The following NELL1 variants were observed in gnomAD, a reference collection of about 807,000 sequenced individuals.
NELL1 encodes neural EGFL like 1, also known as protein kinase C-binding protein NELL1.
A neutral mutation model predicts 107.4 loss-of-function variants in NELL1; 76 were observed. The ratio of observed to expected loss-of-function variants is 0.71; its 90% CI spans 0.59 to 0.86. The LOEUF (loss-of-function observed/expected upper bound fraction) is 0.86. Among genes scored for constraint, NELL1 ranks in the 40% least tolerant of loss-of-function variants. NELL1 has a pLI of 0.00. For missense variants in NELL1, 1,024 were observed against 1,005.5 expected (o/e 1.02, Z -0.25); for synonymous variants, 353 against 341.2 (o/e 1.03, Z -0.38).
At chr11:21,193,294 T>C (rs546299017) in intron 13 of NELL1, among the ~76,000 whole-genome samples, 3 of 151,788 alleles carry the variant, frequency 2.0e-5, no homozygotes, top group Non-Finnish European at 4.4e-5. Flanking sequence ...TTCAGCAGTT[T>C]TGATACTCTT....
chr11:20,682,066 A>G (rs574401713), intron 2 of NELL1, among the ~76,000 whole-genome samples: 3 of 152,234 alleles, frequency 2.0e-5, no homozygotes, highest in Non-Finnish European at 2.9e-5. Flanking sequence ...ATAAGTTGAC[A>G]TATTAACAGG....
intron 15 of NELL1, among the ~76,000 whole-genome samples, chr11:21,408,211 A>G (rs1040200476): frequency 6.6e-6 from 1 of 152,034 alleles, no homozygotes; most frequent in Non-Finnish European, 1.5e-5. Flanking sequence ...GTTACCATGC[A>G]AAATGAAATT....
intron 14 of NELL1, among the ~76,000 whole-genome samples, chr11:21,301,978 T>G (rs901232517): frequency 3.9e-5 from 6 of 152,032 alleles, no homozygotes; most frequent in Non-Finnish European, 7.4e-5. Context: ...TGAAGATATC[T>G]CAAAACTGGC....
chr11:20,768,651 A>G (rs1327306031), intron 2 of NELL1, among the ~76,000 whole-genome samples: 3 of 152,238 alleles, frequency 2.0e-5, no homozygotes, highest in Non-Finnish European at 4.4e-5. Flanking sequence ...AAGGGTTCTC[A>G]TAAGAGAAAG....
intron 15 of NELL1, among the ~76,000 whole-genome samples, chr11:21,477,452 T>C (rs1481599917): frequency 1.3e-5 from 2 of 152,156 alleles, no homozygotes; most frequent in Non-Finnish European, 2.9e-5. Context: ...GTGGTACCTC[T>C]ATGAATCTGC....
intron 3 of NELL1, among the ~76,000 whole-genome samples, chr11:20,812,748 C>CCT (rs1215052861): frequency 6.6e-6 from 1 of 151,934 alleles, no homozygotes; most frequent in Non-Finnish European, 1.5e-5. Flanking sequence ...GTGGCTCACG[C>CCT]CTGTAATCCC....
intron 14 of NELL1, among the ~76,000 whole-genome samples, chr11:21,365,995 A>G (rs1404504634): frequency 1.3e-5 from 2 of 152,142 alleles, no homozygotes; most frequent in African/African-American, 4.8e-5. Flanking sequence ...ATGTTTAAAC[A>G]TTCATGGTCT....
chr11:21,485,813 C>G (rs1375737787), intron 15 of NELL1, among the ~76,000 whole-genome samples: 1 of 152,046 alleles, frequency 6.6e-6, no homozygotes, highest in Non-Finnish European at 1.5e-5. Context: ...TGGTCCCACC[C>G]CCACAATACT....
intron 12 of NELL1, among the ~76,000 whole-genome samples, chr11:20,966,409 A>C (rs949466466): frequency 1.3e-5 from 2 of 152,176 alleles, no homozygotes; most frequent in African/African-American, 4.8e-5. Flanking sequence ...TGGAGGGGAC[A>C]AACATTCAAA....
intron 14 of NELL1, among the ~76,000 whole-genome samples, chr11:21,360,080 A>C (rs934755635): frequency 2.0e-5 from 3 of 152,040 alleles, no homozygotes; most frequent in African/African-American, 7.2e-5. Flanking sequence ...GTGTGATCTT[A>C]GATCATCTAT....
chr11:20,923,002 A>C (rs1463417942), intron 7 of NELL1, among the ~76,000 whole-genome samples: 4 of 152,094 alleles, frequency 2.6e-5, no homozygotes, highest in Non-Finnish European at 4.4e-5. Context: ...TTCCTTAGAG[A>C]AAATGGTCCT....
chr11:21,385,531 C>T (rs1851724790), intron 15 of NELL1, among the ~76,000 whole-genome samples: 1 of 151,636 alleles, frequency 6.6e-6, no homozygotes, highest in Non-Finnish European at 1.5e-5. Flanking sequence ...TTTTTTTTCC[C>T]CTCCATCCTA....
intron 13 of NELL1, among the ~76,000 whole-genome samples, chr11:21,123,084 G>A (rs993006537): frequency 6.6e-6 from 1 of 152,106 alleles, no homozygotes; most frequent in Non-Finnish European, 1.5e-5. Flanking sequence ...AGGGAAAAGA[G>A]ATTTCCCTTT....
intron 14 of NELL1, among the ~76,000 whole-genome samples, chr11:21,344,640 G>A (rs944771123): frequency 1.3e-5 from 2 of 152,118 alleles, no homozygotes; most frequent in East Asian, 1.9e-4. Flanking sequence ...CTAATAGAAA[G>A]AGAATTGGAA....
At chr11:21,336,670 T>TACAC (rs374935775) in intron 14 of NELL1, among the ~76,000 whole-genome samples, 47 of 95,842 alleles carry the variant, frequency 4.9e-4, no homozygotes, top group African/African-American at 1.1e-3. Flanking sequence ...TATATATATA[T>TACAC]ATATACACAC....
intron 12 of NELL1, among the ~76,000 whole-genome samples, chr11:21,099,508 C>T (rs772803540): frequency 3.9e-5 from 6 of 152,112 alleles, no homozygotes; most frequent in African/African-American, 1.2e-4. Flanking sequence ...CGCTGGCTTT[C>T]GCTTAGGTCC....
At chr11:20,929,744 G>A (rs1033728058) in intron 9 of NELL1, among the ~76,000 whole-genome samples, 14 of 152,128 alleles carry the variant, frequency 9.2e-5, no homozygotes, top group South Asian at 4.1e-4. Flanking sequence ...GGCCGAGGCC[G>A]TCGGATCACC....
intron 15 of NELL1, among the ~76,000 whole-genome samples, chr11:21,405,195 T>G (rs1363091374): frequency 2.1e-4 from 1 of 4,868 alleles, no homozygotes; most frequent in African/African-American, 5.5e-4. Flanking sequence ...TTTGATGCAC[T>G]AGGTTTTGTT....
intron 15 of NELL1, among the ~76,000 whole-genome samples, chr11:21,438,831 G>C (rs1325511988): frequency 2.0e-5 from 3 of 151,782 alleles, no homozygotes; most frequent in Non-Finnish European, 2.9e-5. Context: ...TTTGTGTGAG[G>C]AAGTTATGAC....
Sources: allele counts gnomAD v4.1 joint callset (sites outside exome capture counted in the v4.1 genomes callset), GRCh38; gene constraint gnomAD v4.1.1; transcripts MANE v1.5; gene names NCBI Gene and HGNC (gene_info 2026-07-23, HGNC 2026-07-21).